Variants in LRRC4C observed in about 807,000 individuals in gnomAD.
LRRC4C encodes leucine-rich repeat-containing protein 4C.
A neutral mutation model predicts 33.6 loss-of-function variants in LRRC4C; 5 were observed. The observed-to-expected ratio is 0.15, with a 90% confidence interval of 0.08 to 0.31. The LOEUF is 0.31. Ranked by LOEUF, LRRC4C falls within the 10% of genes least tolerant of loss-of-function variation. LRRC4C has a pLI of 1.00. For synonymous variants in LRRC4C, 329 were observed against 302.0 expected, an observed-to-expected ratio of 1.09 and a Z score of -0.93; for missense variants, 560 against 796.7, an observed-to-expected ratio of 0.70 and a Z score of 3.58.
Position 40,937,603 on chromosome 11 carries a change from ATGTGTG to A in LRRC4C, c.-495-3886_-495-3881del, listed in dbSNP as rs35416837. Among the ~76,000 whole-genome samples, 868 of 135,994 alleles carry A rather than the reference ATGTGTG, an allele frequency of 6.4e-3. 11 individuals carry two copies. The highest frequency in any genetic ancestry group is 0.02 in the African/African-American group (680 of 34,496). The allele number at this position is 135,994 out of a possible 152,430, so 89.2% of individuals were successfully genotyped here. A position where few individuals can be genotyped will look rare whatever the true frequency, so the allele number is the denominator to read the frequency against. On this transcript the variant is annotated intron_variant, in intron 1 of 6. Coordinates refer to ENST00000528697, the MANE Select transcript of LRRC4C (RefSeq NM_001258419.2). ...ATTCACTCTTCTTGAGTGTGTGTATATGTGTGTGTGTGTGTGTGTGTGTGTGTGTGT... is the reference window on the plus strand; with the variant it reads ...ATTCACTCTTCTTGAGTGTGTGTATATGTGTGTGTGTGTGTGTGTGTGTGT...
At chr11:40,892,508 T>C (rs1955763751) in intron 2 of LRRC4C, among the ~76,000 whole-genome samples, 2 of 152,146 alleles carry the variant, frequency 1.3e-5, no homozygotes, top group Admixed American at 6.6e-5. Flanking sequence ...ATAGCAATGG[T>C]ATTTGCAATA....
intron 3 of LRRC4C, among the ~76,000 whole-genome samples, chr11:40,614,916 T>C (rs1185292897): frequency 6.6e-6 from 1 of 151,488 alleles, no homozygotes; most frequent in Non-Finnish European, 1.5e-5. Context: ...ACAATTACAA[T>C]AGCAACATCT....
Position 40,342,344 on chromosome 11 carries a change from C to T in LRRC4C, c.-269-22623G>A, listed in dbSNP as rs899001166. Among the ~76,000 whole-genome samples the T allele has an allele frequency of 4.6e-5, 7 of 152,174 alleles. No individual in the cohort carries two copies. The East Asian group carries it at 1.4e-3, about 30-fold the overall frequency. On this transcript the variant is annotated intron_variant, in intron 3 of 6. Transcript: ENST00000528697. The stretch of plus-strand genomic sequence containing the variant: ...ATTAACTGGGCATGGTGGTGCGCAC[C>T]TCTAGTCCCAGCTACTCAGGAGGCT...
At chr11:41,307,678 C>T (rs1950542355) in intron 1 of LRRC4C, among the ~76,000 whole-genome samples, 1 of 152,136 alleles carries the variant, frequency 6.6e-6, no homozygotes, top group Admixed American at 6.5e-5. Flanking sequence ...GGAGGGGAGC[C>T]ACCCTTCCAA....
At chr11:40,670,932 T>A (rs1944068549) in intron 2 of LRRC4C, among the ~76,000 whole-genome samples, 1 of 152,052 alleles carries the variant, frequency 6.6e-6, no homozygotes, top group Non-Finnish European at 1.5e-5. Context: ...CCCTGCTAAT[T>A]TTTTGTATAT....
At chr11:40,333,919 A>G (rs994317711) in intron 3 of LRRC4C, among the ~76,000 whole-genome samples, 5 of 151,924 alleles carry the variant, frequency 3.3e-5, no homozygotes, top group Admixed American at 3.3e-4. Context: ...GGAGGAAGGA[A>G]AAAAGGAGGA....
chr11:41,110,072 T>C (rs905366794), intron 1 of LRRC4C, among the ~76,000 whole-genome samples: 1 of 152,046 alleles, frequency 6.6e-6, no homozygotes, highest in Non-Finnish European at 1.5e-5. Context: ...ACTATTTTAT[T>C]GCTCCATGGG....
intron 2 of LRRC4C, among the ~76,000 whole-genome samples, chr11:40,823,260 T>A (rs1037419642): frequency 2.0e-5 from 3 of 151,738 alleles, no homozygotes; most frequent in African/African-American, 7.2e-5. Context: ...TTCTTATTAT[T>A]TTGGGTTGGG....
At chr11:41,145,823 A>G (rs1375772484) in intron 1 of LRRC4C, among the ~76,000 whole-genome samples, 1 of 152,144 alleles carries the variant, frequency 6.6e-6, no homozygotes, top group African/African-American at 2.4e-5. Context: ...AATTTCAGTG[A>G]CCTAGAAACA....
intron 2 of LRRC4C, among the ~76,000 whole-genome samples, chr11:40,693,298 AAG>A (rs1945316783): frequency 2.0e-5 from 3 of 152,292 alleles, no homozygotes; most frequent in East Asian, 1.9e-4. Flanking sequence ...GATTTTTGAA[AAG>A]AGAGAATGGT....
chr11:40,510,271 G>T (rs993656006), intron 3 of LRRC4C, among the ~76,000 whole-genome samples: 9 of 150,060 alleles, frequency 6.0e-5, no homozygotes, highest in Non-Finnish European at 1.2e-4. Context: ...CTGAACTACT[G>T]ACCTAATATC....
At chr11:40,181,153 AG>A (rs770535460) in intron 5 of LRRC4C, among the ~76,000 whole-genome samples, 10 of 152,192 alleles carry the variant, frequency 6.6e-5, no homozygotes, top group African/African-American at 9.7e-5. Context: ...CTCTCCAGGA[AG>A]GATGAAAATA....
chr11:41,005,528 C>T (rs1004815043), intron 1 of LRRC4C, among the ~76,000 whole-genome samples: 14 of 152,030 alleles, frequency 9.2e-5, no homozygotes, highest in African/African-American at 3.1e-4. Context: ...TGCTTGAACC[C>T]GGGAGGTGGA....
intron 3 of LRRC4C, among the ~76,000 whole-genome samples, chr11:40,569,423 A>T (rs1158955335): frequency 6.6e-6 from 1 of 152,196 alleles, no homozygotes; most frequent in Non-Finnish European, 1.5e-5. Context: ...AACCAGAGTC[A>T]GTTACTACAA....
At chr11:40,275,436 T>C (rs1943032202) in intron 4 of LRRC4C, among the ~76,000 whole-genome samples, 1 of 152,114 alleles carries the variant, frequency 6.6e-6, no homozygotes, top group African/African-American at 2.4e-5. Flanking sequence ...AATCTCCCCA[T>C]CATATCCATA....
At chr11:41,173,125 T>C (rs759330397) in intron 1 of LRRC4C, among the ~76,000 whole-genome samples, 8 of 152,186 alleles carry the variant, frequency 5.3e-5, no homozygotes, top group Non-Finnish European at 1.0e-4. Context: ...GACACCATTT[T>C]AAATTTATTA....
intron 2 of LRRC4C, among the ~76,000 whole-genome samples, chr11:40,908,104 A>G (rs1006202822): frequency 2.6e-5 from 4 of 152,158 alleles, no homozygotes; most frequent in African/African-American, 9.6e-5. Context: ...AGTTGAATAA[A>G]TACTCTGTTG....
At chr11:41,258,421 A>C (rs925404131) in intron 1 of LRRC4C, among the ~76,000 whole-genome samples, 2 of 152,004 alleles carry the variant, frequency 1.3e-5, no homozygotes, top group African/African-American at 2.4e-5. Flanking sequence ...CAGGACAAGT[A>C]GCAACACAAA....
intron 1 of LRRC4C, among the ~76,000 whole-genome samples, chr11:41,304,225 G>A (rs563048385): frequency 1.6e-5 from 2 of 125,732 alleles, no homozygotes; most frequent in African/African-American, 5.8e-5. Flanking sequence ...GGAGGTGGGG[G>A]GGTCAGCCCT....
Sources: allele counts gnomAD v4.1 joint callset (sites outside exome capture counted in the v4.1 genomes callset), GRCh38; gene constraint gnomAD v4.1.1; transcripts MANE v1.5; gene names NCBI Gene and HGNC (gene_info 2026-07-23, HGNC 2026-07-21).